The following CCDC102B variants were observed in gnomAD, a reference collection of about 807,000 sequenced individuals.
CCDC102B encodes the protein coiled-coil domain containing 102B.
A neutral mutation model predicts 57.4 loss-of-function variants in CCDC102B; 75 were observed. That is an observed-to-expected ratio of 1.31 (90% CI 1.08 to 1.58). The LOEUF is 1.58. Ranked by LOEUF, CCDC102B falls within the 40% of genes most tolerant of loss-of-function variation. The pLI, the probability that CCDC102B is intolerant of heterozygous loss-of-function variation, is 0.00. For missense variants in CCDC102B, 636 were observed against 582.6 expected (o/e 1.09, Z -0.94); for synonymous variants, 206 against 201.9 (o/e 1.02, Z -0.17).
chr18:68,930,129 T>G (rs2041617684), intron 6 of CCDC102B, among the ~76,000 whole-genome samples: 2 of 151,342 alleles, frequency 1.3e-5, no homozygotes, highest in African/African-American at 4.8e-5. Context: ...CAATGTAGTC[T>G]GTGAAGGGCC....
intron 2 of CCDC102B, among the ~76,000 whole-genome samples, chr18:68,759,323 C>T (rs1416798486): frequency 6.6e-6 from 1 of 152,060 alleles, no homozygotes; most frequent in East Asian, 1.9e-4. Flanking sequence ...TTTATAGGAA[C>T]TTAAAGAAAT....
intron 7 of CCDC102B, among the ~76,000 whole-genome samples, chr18:69,033,321 G>C (rs2145449296): frequency 6.6e-6 from 1 of 151,996 alleles, no homozygotes; most frequent in South Asian, 2.1e-4. Flanking sequence ...CCATTTTAAG[G>C]GTTCAGTGCA....
At chr18:68,880,686 T>C (rs1218606668) in intron 5 of CCDC102B, among the ~76,000 whole-genome samples, 1 of 152,222 alleles carries the variant, frequency 6.6e-6, no homozygotes, top group African/African-American at 2.4e-5. Flanking sequence ...ATGGAGTAAA[T>C]TGTTTCTCTC....
chr18:68,766,317 T>G (rs2034468727), intron 2 of CCDC102B, among the ~76,000 whole-genome samples: 1 of 152,126 alleles, frequency 6.6e-6, no homozygotes, highest in African/African-American at 2.4e-5. Flanking sequence ...ATTACTGAAA[T>G]TTGAGGAAAG....
intron 1 of CCDC102B, among the ~76,000 whole-genome samples, chr18:68,835,976 A>C (rs2037349719): frequency 6.6e-6 from 1 of 152,208 alleles, no homozygotes; most frequent in African/African-American, 2.4e-5. Flanking sequence ...TGGAAAATGT[A>C]GACTATGATT....
At chr18:68,741,713 A>ACACACACACACACC (rs1393809459) in intron 2 of CCDC102B, among the ~76,000 whole-genome samples, 17 of 97,674 alleles carry the variant, frequency 1.7e-4, no homozygotes, top group African/African-American at 5.6e-4. Context: ...ACACACACAC[A>ACACACACACACACC]CCCCAAGACA....
intron 1 of CCDC102B, among the ~76,000 whole-genome samples, chr18:68,815,985 A>C (rs1164915601): frequency 1.3e-5 from 2 of 152,068 alleles, no homozygotes; most frequent in Non-Finnish European, 1.5e-5. Context: ...CCCATATCTC[A>C]TTCTTCGTTT....
At chr18:68,798,645 G>A (rs1419387419) in intron 1 of CCDC102B, among the ~76,000 whole-genome samples, 1 of 152,040 alleles carries the variant, frequency 6.6e-6, no homozygotes, top group Non-Finnish European at 1.5e-5. Context: ...CAATTGTTGA[G>A]TCTTCATGCT....
chr18:68,897,466 T>A (rs772910493), intron 6 of CCDC102B, 38 bp downstream of exon 6: 10 of 1,598,820 alleles, frequency 6.3e-6, no homozygotes, highest in Non-Finnish European at 7.7e-6. Context: ...CACTGTCTAA[T>A]CTCACTCTGA....
At chr18:68,751,606 A>T (rs564610738) in intron 2 of CCDC102B, among the ~76,000 whole-genome samples, 1 of 152,330 alleles carries the variant, frequency 6.6e-6, no homozygotes, top group East Asian at 1.9e-4. Context: ...AAACTTGTAC[A>T]TCAGGTGACC....
intron 6 of CCDC102B, among the ~76,000 whole-genome samples, chr18:68,898,404 A>G (rs1421030164): frequency 6.6e-6 from 1 of 152,026 alleles, no homozygotes; most frequent in Non-Finnish European, 1.5e-5. Flanking sequence ...GTGTTTCATG[A>G]CCTAGCAATG....
intron 6 of CCDC102B, among the ~76,000 whole-genome samples, chr18:68,904,327 A>G (rs894161297): frequency 2.0e-5 from 3 of 152,200 alleles, no homozygotes; most frequent in South Asian, 2.1e-4. Context: ...TGGTAATTAA[A>G]TTGGAAAATC....
chr18:68,794,503 A>G (rs2144667848), upstream of CCDC102B, among the ~76,000 whole-genome samples: 1 of 152,236 alleles, frequency 6.6e-6, no homozygotes, highest in East Asian at 1.9e-4. Flanking sequence ...GAAAGGGAGA[A>G]AGGATACTGG....
At chr18:68,858,090 A>C (rs1433713782) in intron 4 of CCDC102B, among the ~76,000 whole-genome samples, 2 of 152,196 alleles carry the variant, frequency 1.3e-5, no homozygotes, top group Non-Finnish European at 2.9e-5. Context: ...ATAGACCTGA[A>C]GACATCTAAT....
intron 6 of CCDC102B, among the ~76,000 whole-genome samples, chr18:68,963,699 ACTT>A (rs2050100679): frequency 6.6e-6 from 1 of 151,732 alleles, no homozygotes; most frequent in South Asian, 2.1e-4. Flanking sequence ...ATATCTAACA[ACTT>A]CTGATGACAC....
Position 69,045,766 on chromosome 18 carries a change from C to A in CCDC102B, c.1435-8264C>A, listed in dbSNP as rs141222309. Reference sequence around the variant, plus strand: ...TTCCTCTCCCTCCTTCCACCCTCCACCCTCAAGTAGGTCCCAGTGTCTGTT... The same window carrying A: ...TTCCTCTCCCTCCTTCCACCCTCCAACCTCAAGTAGGTCCCAGTGTCTGTT... On this transcript the variant is annotated intron_variant, in intron 7 of 7. Transcript: ENST00000360242. 2.5e-3 allele frequency among the ~76,000 whole-genome samples: 381 copies of A among 152,206 alleles called. 1 individual carries two copies. The highest frequency in any genetic ancestry group is 7.9e-3 in the African/African-American group (330 of 41,552).
At chr18:68,782,671 G>A (rs150265711) in intron 2 of CCDC102B, among the ~76,000 whole-genome samples, 1,754 of 152,202 alleles carry the variant, frequency 0.012, 12 homozygotes, top group Non-Finnish European at 0.016. Flanking sequence ...GGAAATAAAA[G>A]ATTTGACTTA....
chr18:68,992,702 G>C (rs2050905349), intron 6 of CCDC102B: 1 of 153,828 alleles, frequency 6.5e-6, no homozygotes, highest in South Asian at 2.0e-4. Context: ...GCAGAGGCTG[G>C]GGAGTTCTGG....
At chr18:68,999,199 A>G (rs1305058279) in intron 6 of CCDC102B, among the ~76,000 whole-genome samples, 2 of 152,002 alleles carry the variant, frequency 1.3e-5, no homozygotes, top group Admixed American at 6.6e-5. Context: ...AAGTGGATAA[A>G]GAAACTGCAG....
Sources: allele counts gnomAD v4.1 joint callset (sites outside exome capture counted in the v4.1 genomes callset), GRCh38; gene constraint gnomAD v4.1.1; transcripts MANE v1.5; gene names NCBI Gene and HGNC (gene_info 2026-07-23, HGNC 2026-07-21).